The following SNX19 variants were observed in gnomAD, a reference collection of about 807,000 sequenced individuals.
SNX19 encodes sorting nexin 19.
A neutral mutation model predicts 85.2 loss-of-function variants in SNX19; 60 were observed. The ratio of observed to expected loss-of-function variants is 0.70; its 90% CI spans 0.57 to 0.87. The LOEUF (loss-of-function observed/expected upper bound fraction) is 0.87. Among genes scored for constraint, SNX19 ranks in the 40% least tolerant of loss-of-function variants. SNX19 has a pLI of 0.00. For missense variants in SNX19, 1,201 were observed against 1,217.8 expected (o/e 0.99, Z 0.21); for synonymous variants, 520 against 470.0 (o/e 1.11, Z -1.38).
chr11:130,908,151 C>A, intron 4 of SNX19, 68 bp from the exon 5 acceptor site: 1 of 1,563,150 alleles, frequency 6.4e-7, no homozygotes, highest in South Asian at 1.2e-5. Flanking sequence ...AGCAAGCAGT[C>A]GCCTCACAGC....
rs147252392 is a variant in SNX19, at chr11:130,909,001, G to A, written c.2035-918C>T. The stretch of plus-strand genomic sequence containing the variant: ...TGGTCAGCAGACTACAGTAAAGACT[G>A]GGGGAGAACAAACCAGGGAAAGAAC... On this transcript the variant is annotated intron_variant, in intron 4 of 10. Coordinates refer to ENST00000265909, the MANE Select transcript of SNX19 (RefSeq NM_014758.3). 4.6e-5 allele frequency among the ~76,000 whole-genome samples: 7 copies of A among 152,298 alleles called. No individual in the cohort carries two copies. In the East Asian group the frequency reaches 1.4e-3, roughly 29 times the overall value.
intron 8 of SNX19, chr11:130,901,874 T>C (rs939303140): frequency 6.6e-6 from 1 of 152,240 alleles, no homozygotes; most frequent in Non-Finnish European, 1.5e-5. Flanking sequence ...AAACCACTTT[T>C]GTAGGTAATA....
chr11:130,915,087 G>C lies in SNX19; in HGVS notation c.853C>G (p.Pro285Ala), dbSNP rs774534868. 1.6e-5 allele frequency: 26 copies of C among 1,613,832 alleles called. No individual in the cohort carries two copies. In the Admixed American group the frequency reaches 4.2e-4, roughly 26 times the overall value. ...APCPASAPEQ[P>A]SVPTSLPLIA... Reference sequence around the variant, plus strand: ...AGTGGCAGAGATGTCGGCACTGAGGGCTGTTCGGGGGCACTGGCTGGGCAG... The same window carrying C: ...AGTGGCAGAGATGTCGGCACTGAGGCCTGTTCGGGGGCACTGGCTGGGCAG... The change falls in exon 1 of 11, where the codon CCC becomes GCC. Residue 285 changes from proline (P) to alanine (A), a missense_variant. Transcript: ENST00000265909.
rs61736692 is a variant in SNX19 at position 130,915,491 on chromosome 11, T to A, written c.449A>T (p.Asp150Val). 1 of 1,614,086 alleles carries A rather than the reference T, an allele frequency of 6.2e-7. No individual in the cohort carries two copies. Among genetic ancestry groups the A allele is most frequent in the Non-Finnish European group, 8.5e-7 (1 of 1,180,038 alleles). Reference sequence around the variant, plus strand: ...AACACTCTGGGCAACAGCATGACTGTCCATCACGCTCATCCTTCTCCGAAG... The same window carrying A: ...AACACTCTGGGCAACAGCATGACTGACCATCACGCTCATCCTTCTCCGAAG... Reference protein sequence around the residue: ...QELRRRMSVMDSHAVAQSVLT... With the variant: ...QELRRRMSVMVSHAVAQSVLT... The change falls in exon 1 of 11, where the codon GAC becomes GTC. Residue 150 changes from aspartate (D) to valine (V), a missense_variant. Physicochemically the swap from Asp to Val is radical, Grantham distance 152. Coordinates refer to ENST00000265909, the MANE Select transcript of SNX19 (RefSeq NM_014758.3).
intron 8 of SNX19, among the ~76,000 whole-genome samples, chr11:130,891,544 G>A (rs1944495730): frequency 6.6e-6 from 1 of 152,224 alleles, no homozygotes; most frequent in Non-Finnish European, 1.5e-5. Flanking sequence ...GGGGGGTTAT[G>A]AGGACTATGA....
chr11:130,875,236 A>C lies in SNX19; in HGVS notation c.*3186T>G, dbSNP rs1943180808. On this transcript the variant is annotated 3_prime_UTR_variant, in exon 11 of 11. Coordinates refer to ENST00000265909, the MANE Select transcript of SNX19 (RefSeq NM_014758.3). ...GATGAACCTGGAGGACATTATGCTA[A>C]GTGAAATAAGCCAGTCAAAGGACAA... 6.6e-6 allele frequency among the ~76,000 whole-genome samples: 1 copy of C among 152,250 alleles called. No individual in the cohort carries two copies. Among genetic ancestry groups the C allele is most frequent in the Non-Finnish European group, 1.5e-5 (1 of 68,050 alleles).
At chr11:130,906,753 G>A (rs777191426) in intron 5 of SNX19, 32 bp from the exon 6 acceptor site, 2 of 1,442,168 alleles carry the variant, frequency 1.4e-6, no homozygotes, top group South Asian at 1.1e-5. Flanking sequence ...GAAACAGGTT[G>A]TAATTTATGG....
Position 130,914,631 on chromosome 11 carries a change from G to A in SNX19, c.1309C>T (p.Pro437Ser). The change falls in exon 1 of 11, where the codon CCG becomes TCG. Residue 437 changes from proline to serine, a missense_variant. Coordinates refer to ENST00000265909, the MANE Select transcript of SNX19 (RefSeq NM_014758.3). Reference protein sequence around the residue: ...GPGTETETGLPVSTLNSCPEI... With the variant: ...GPGTETETGLSVSTLNSCPEI... ...GGGCAGGAATTCAGTGTGGAGACCG[G>A]CAGGCCTGTCTCTGTTTCTGTCCCT... 6.2e-7 allele frequency: 1 copy of A among 1,613,924 alleles called. No homozygotes were observed. Among genetic ancestry groups the A allele is most frequent in the Non-Finnish European group, 8.5e-7 (1 of 1,179,852 alleles).
At chr11:130,899,161 A>G (rs1329046708) in intron 8 of SNX19, among the ~76,000 whole-genome samples, 1 of 152,224 alleles carries the variant, frequency 6.6e-6, no homozygotes, top group Non-Finnish European at 1.5e-5. Context: ...GCATGTGCAT[A>G]CAGTGTTCAG....
At chr11:130,890,051 T>C (rs1472918569) in intron 8 of SNX19, among the ~76,000 whole-genome samples, 1 of 152,196 alleles carries the variant, frequency 6.6e-6, no homozygotes, top group Non-Finnish European at 1.5e-5. Context: ...TAGATACTAA[T>C]CTATTACTTT....
rs1282424245 is a variant in SNX19, at chr11:130,869,294, A to C, written c.*9128T>G. ...TAATTACATTTTACGTTTTAAAAGG[A>C]AACTTCTTCATTACATTGCCTATCA... On this transcript the variant is annotated 3_prime_UTR_variant, in exon 11 of 11. Coordinates refer to ENST00000265909, the MANE Select transcript of SNX19 (RefSeq NM_014758.3). The C allele has an allele frequency of 2.6e-5, 4 of 152,242 alleles. No homozygotes were observed. Among genetic ancestry groups the C allele is most frequent in the Non-Finnish European group, 4.4e-5 (3 of 68,044 alleles). The allele number at this position is 152,242 out of a possible 1,614,324, so 9.4% of individuals were successfully genotyped here.
At chr11:130,906,280 A>AT in intron 6 of SNX19, 147 bp from the exon 7 acceptor site, 3 of 855,472 alleles carry the variant, frequency 3.5e-6, no homozygotes, top group Admixed American at 3.0e-5. Context: ...GAAAGATTTT[A>AT]TTTTTTACCG....
chr11:130,888,257 G>C (rs7106995), intron 8 of SNX19, among the ~76,000 whole-genome samples: 4 of 151,566 alleles, frequency 2.6e-5, no homozygotes, highest in African/African-American at 9.7e-5. Context: ...TCATCATCTA[G>C]AGTTTTAACT....
At chr11:130,885,101 G>T (rs886984739) in intron 8 of SNX19, among the ~76,000 whole-genome samples, 7 of 151,976 alleles carry the variant, frequency 4.6e-5, no homozygotes, top group Non-Finnish European at 7.4e-5. Context: ...GAAGAAAAAA[G>T]AACCCAAACC....
chr11:130,902,062 G>C (rs1336452485), intron 8 of SNX19, among the ~76,000 whole-genome samples: 1 of 152,188 alleles, frequency 6.6e-6, no homozygotes, highest in Non-Finnish European at 1.5e-5. Context: ...AAGGCTACAA[G>C]ATACATGAAA....
At chr11:130,894,107 G>A (rs561400461) in intron 8 of SNX19, among the ~76,000 whole-genome samples, 1 of 146,744 alleles carries the variant, frequency 6.8e-6, no homozygotes, top group South Asian at 2.2e-4. Context: ...GGGCTATTCA[G>A]CACTGACAAT....
At chr11:130,913,371 T>C (rs1385280530) in intron 1 of SNX19, among the ~76,000 whole-genome samples, 1 of 152,230 alleles carries the variant, frequency 6.6e-6, no homozygotes, top group East Asian at 1.9e-4. Context: ...CTATAATGAG[T>C]GTGTGTCTGT....
At chr11:130,891,846 C>CTTTT (rs10649582) in intron 8 of SNX19, among the ~76,000 whole-genome samples, 9 of 140,418 alleles carry the variant, frequency 6.4e-5, no homozygotes, top group East Asian at 2.1e-4. Flanking sequence ...AAAGTTTTTT[C>CTTTT]TTTTTTTTTT....
chr11:130,879,666 C>T lies in SNX19; in HGVS notation c.2804G>A (p.Trp935Ter), dbSNP rs1263597550. The change falls in exon 10 of 11, where the codon TGG becomes TAG. Residue 935 changes from tryptophan (W) to a stop codon, truncating the protein, a stop_gained. Transcript: ENST00000265909. LOFTEE classifies it high-confidence loss of function. ...ILGVNKCRLS[W>*]GLVLESLQQP... ...TTGTAGTGACTCCAGGACTAGACCC[C>T]AGCTCAGCCGGCATTTGTTCACCCC... 3 of 1,613,986 alleles carry T rather than the reference C, an allele frequency of 1.9e-6. No individual in the cohort carries two copies. In the East Asian group the frequency reaches 6.7e-5, roughly 36 times the overall value.
Sources: allele counts gnomAD v4.1 joint callset (sites outside exome capture counted in the v4.1 genomes callset), GRCh38; gene constraint gnomAD v4.1.1; transcripts MANE v1.5; gene names NCBI Gene and HGNC (gene_info 2026-07-23, HGNC 2026-07-21).